Variants in PDE4B observed in about 807,000 individuals in gnomAD.
PDE4B encodes the protein 3',5'-cyclic-AMP phosphodiesterase 4B.
Under a neutral mutation model 82.2 loss-of-function variants are expected in PDE4B, and 20 were observed. The observed-to-expected ratio is 0.24, with a 90% CI of 0.17 to 0.35. The LOEUF (loss-of-function observed/expected upper bound fraction) is 0.35, where lower values mean the gene tolerates loss of function less well. PDE4B is among the 10% of genes least tolerant of loss of function. The pLI, the probability that PDE4B is intolerant of heterozygous loss-of-function variation, is 1.00. For synonymous variants in PDE4B, 320 were observed against 318.9 expected, an observed-to-expected ratio of 1.00 and a Z score of -0.04; for missense variants, 655 against 907.2, an observed-to-expected ratio of 0.72 and a Z score of 3.57.
At chr1:65,995,056 C>G (rs1002941084) in intron 3 of PDE4B, among the ~76,000 whole-genome samples, 1 of 152,142 alleles carries the variant, frequency 6.6e-6, no homozygotes, top group South Asian at 2.1e-4. Flanking sequence ...TGAGTTAAAA[C>G]AAAATGTTAC....
chr1:66,218,641 G>A lies in PDE4B; in HGVS notation c.282-28819G>A, dbSNP rs116143496. Among the ~76,000 whole-genome samples the A allele has an allele frequency of 7.9e-3, 1,199 of 152,082 alleles. 21 individuals carry two copies. The highest frequency in any genetic ancestry group is 0.028 in the African/African-American group (1,171 of 41,476). On this transcript the variant is annotated intron_variant, in intron 3 of 16. Coordinates refer to ENST00000341517, the MANE Select transcript of PDE4B (RefSeq NM_002600.4). ...GCCCAGAAGATGTTAATCTTTCCATGACCCCTCTGGGACCTCTTTCCCACC... is the reference window on the plus strand; with the variant it reads ...GCCCAGAAGATGTTAATCTTTCCATAACCCCTCTGGGACCTCTTTCCCACC...
At chr1:66,190,616 T>G (rs1466438299) in intron 3 of PDE4B, among the ~76,000 whole-genome samples, 1 of 152,170 alleles carries the variant, frequency 6.6e-6, no homozygotes. Context: ...TGAGGCTCTG[T>G]GGGCATAGGA....
chr1:66,072,825 T>G (rs1570152116), intron 3 of PDE4B, among the ~76,000 whole-genome samples: 1 of 152,158 alleles, frequency 6.6e-6, no homozygotes, highest in East Asian at 1.9e-4. Context: ...GGGATCAAAG[T>G]GGAACAAATA....
intron 1 of PDE4B, among the ~76,000 whole-genome samples, chr1:65,827,386 T>C (rs1479871837): frequency 1.3e-5 from 2 of 152,068 alleles, no homozygotes; most frequent in African/African-American, 4.8e-5. Context: ...AAAAACTCTA[T>C]TGGAAAAGTT....
chr1:66,149,712 G>A (rs1646353286), intron 3 of PDE4B, among the ~76,000 whole-genome samples: 1 of 152,078 alleles, frequency 6.6e-6, no homozygotes, highest in Non-Finnish European at 1.5e-5. Context: ...AATTATCCAG[G>A]TGTGGTGGCA....
chr1:65,930,924 A>C (rs1647796100), intron 3 of PDE4B, among the ~76,000 whole-genome samples: 1 of 152,150 alleles, frequency 6.6e-6, no homozygotes, highest in Admixed American at 6.5e-5. Context: ...GGGCAGAATG[A>C]TGTGGTTTGA....
chr1:66,356,012 G>A (rs1662210914), intron 9 of PDE4B, among the ~76,000 whole-genome samples: 1 of 152,126 alleles, frequency 6.6e-6, no homozygotes. Context: ...TCCAATAACT[G>A]AGCTTTGAGC....
chr1:66,137,233 T>C (rs1437507644), intron 3 of PDE4B, among the ~76,000 whole-genome samples: 1 of 152,106 alleles, frequency 6.6e-6, no homozygotes, highest in Non-Finnish European at 1.5e-5. Context: ...TTAAAGCTGA[T>C]TATTTCTCTT....
At chr1:66,256,034 G>A (rs1193147735) in intron 4 of PDE4B, among the ~76,000 whole-genome samples, 1 of 152,094 alleles carries the variant, frequency 6.6e-6, no homozygotes, top group African/African-American at 2.4e-5. Context: ...TAAAATAGCT[G>A]CGTGTGGTGT....
chr1:66,086,920 G>A (rs188156462), intron 3 of PDE4B, among the ~76,000 whole-genome samples: 55 of 152,278 alleles, frequency 3.6e-4, no homozygotes, highest in Non-Finnish European at 1.8e-4. Flanking sequence ...TGATATTTCA[G>A]TTAGGTCTTA....
intron 3 of PDE4B, among the ~76,000 whole-genome samples, chr1:66,203,738 T>A (rs1649257055): frequency 6.6e-6 from 1 of 152,024 alleles, no homozygotes; most frequent in South Asian, 2.1e-4. Flanking sequence ...TTATTCTAGT[T>A]ATCCATTCAT....
intron 3 of PDE4B, among the ~76,000 whole-genome samples, chr1:66,231,769 C>T (rs200462518): frequency 3.9e-5 from 6 of 152,328 alleles, no homozygotes; most frequent in East Asian, 3.9e-4. Context: ...AAAGTAAAGA[C>T]TTCTCTATTC....
At chr1:66,098,148 T>C (rs1393446745) in intron 3 of PDE4B, among the ~76,000 whole-genome samples, 2 of 152,100 alleles carry the variant, frequency 1.3e-5, no homozygotes, top group African/African-American at 4.8e-5. Context: ...TTGGGTAGTT[T>C]CCTCTCACAC....
intron 1 of PDE4B, among the ~76,000 whole-genome samples, chr1:65,871,491 A>C (rs537787242): frequency 2.6e-5 from 4 of 152,226 alleles, no homozygotes; most frequent in Non-Finnish European, 5.9e-5. Flanking sequence ...CTGTTTCCTT[A>C]TCTACAAAAT....
chr1:66,191,866 C>T (rs1479635549), intron 3 of PDE4B, among the ~76,000 whole-genome samples: 1 of 152,022 alleles, frequency 6.6e-6, no homozygotes, highest in Non-Finnish European at 1.5e-5. Context: ...AAGGGAAAAC[C>T]CTTATAAAAC....
At chr1:66,190,030 G>A (rs1647616919) in intron 3 of PDE4B, among the ~76,000 whole-genome samples, 1 of 152,144 alleles carries the variant, frequency 6.6e-6, no homozygotes, top group Non-Finnish European at 1.5e-5. Flanking sequence ...TGTCCTTTCT[G>A]TTTGTTAGTT....
intron 1 of PDE4B, among the ~76,000 whole-genome samples, chr1:65,855,753 C>A (rs1571021749): frequency 6.6e-6 from 1 of 152,118 alleles, no homozygotes; most frequent in East Asian, 1.9e-4. Flanking sequence ...CCTCTGGAGT[C>A]TGCTTGAAAT....
intron 1 of PDE4B, among the ~76,000 whole-genome samples, chr1:65,813,815 A>G (rs1570963195): frequency 6.8e-6 from 1 of 147,636 alleles, no homozygotes; most frequent in Non-Finnish European, 1.5e-5. Context: ...TTGTGAAGCT[A>G]TGGGGTTAGA....
intron 7 of PDE4B, chr1:66,266,910 C>T: frequency 3.5e-6 from 1 of 284,338 alleles, no homozygotes; most frequent in Non-Finnish European, 7.1e-6. Context: ...ACTGAGATCA[C>T]CTAATGCCTG....
Sources: allele counts gnomAD v4.1 joint callset (sites outside exome capture counted in the v4.1 genomes callset), GRCh38; gene constraint gnomAD v4.1.1; transcripts MANE v1.5; gene names NCBI Gene and HGNC (gene_info 2026-07-23, HGNC 2026-07-21).